GRID2: variants seen among roughly 807,000 people sequenced by gnomAD.
The protein encoded by GRID2 is glutamate ionotropic receptor delta type subunit 2, also known as glutamate receptor ionotropic, delta-2.
In GRID2, 33 loss-of-function variants were observed where a neutral mutation model predicts 114.8. The ratio of observed to expected loss-of-function variants is 0.29; its 90% confidence interval spans 0.22 to 0.38. The LOEUF (loss-of-function observed/expected upper bound fraction) is 0.38. GRID2 is among the 10% of genes least tolerant of loss of function. The pLI is 1.00. For missense variants in GRID2, 1,184 were observed against 1,257.7 expected (o/e 0.94, Z 0.89); for synonymous variants, 505 against 449.9 (o/e 1.12, Z -1.55).
chr4:93,419,237 C>T (rs1768027860), intron 9 of GRID2, among the ~76,000 whole-genome samples: 2 of 151,820 alleles, frequency 1.3e-5, no homozygotes, highest in Non-Finnish European at 2.9e-5. Flanking sequence ...AGAGTAATAT[C>T]TATGACTTAA....
At chr4:93,600,291 C>T (rs1219342647) in intron 13 of GRID2, among the ~76,000 whole-genome samples, 1 of 151,936 alleles carries the variant, frequency 6.6e-6, no homozygotes, top group African/African-American at 2.4e-5. Flanking sequence ...GTAAGCCATA[C>T]AATGGGAGAA....
At position 93,626,403 on chromosome 4, in the gene GRID2, T is replaced by C; in HGVS notation, c.2328T>C (p.His776=). The change falls in exon 14 of 16, where the codon CAT becomes CAC. Residue 776 remains histidine, a synonymous_variant. Coordinates refer to ENST00000282020, the MANE Select transcript of GRID2 (RefSeq NM_001510.4). ...ADRGYGIALQ[H]GSPYRDVFSQ... Reference sequence around the variant, plus strand: ...GGGGATATGGAATTGCATTACAACATGGCAGTCCTTACCGAGATGTTTTTT... The same window carrying C: ...GGGGATATGGAATTGCATTACAACACGGCAGTCCTTACCGAGATGTTTTTT... The C allele has an allele frequency of 1.9e-6, 3 of 1,610,378 alleles. No homozygotes were observed. The highest frequency in any genetic ancestry group is 2.5e-6 in the Non-Finnish European group (3 of 1,178,010).
intron 2 of GRID2, among the ~76,000 whole-genome samples, chr4:92,740,697 TAGATAGATAGATA>T (rs1560565423): frequency 0.054 from 5,408 of 99,792 alleles, 135 homozygotes; most frequent in Middle Eastern, 0.16. Context: ...AGATGATAGA[TAGATAGATAGATA>T]GATAGATAGA....
chr4:92,882,721 C>T (rs950748713), intron 2 of GRID2, among the ~76,000 whole-genome samples: 1 of 152,092 alleles, frequency 6.6e-6, no homozygotes, highest in Non-Finnish European at 1.5e-5. Flanking sequence ...TTTGGTGTCC[C>T]AGTGCATGTG....
chr4:92,449,807 T>C (rs1720810290), intron 1 of GRID2, among the ~76,000 whole-genome samples: 1 of 150,892 alleles, frequency 6.6e-6, no homozygotes, highest in Non-Finnish European at 1.5e-5. Flanking sequence ...TTTTAAGTCA[T>C]GGCTTTAGAG....
intron 2 of GRID2, among the ~76,000 whole-genome samples, chr4:93,025,160 G>C (rs986200537): frequency 1.1e-4 from 16 of 151,408 alleles, no homozygotes; most frequent in Middle Eastern, 3.4e-3. Context: ...GAGAGAAAGA[G>C]GAAGGGGGCT....
intron 1 of GRID2, among the ~76,000 whole-genome samples, chr4:92,505,428 CCTTT>C (rs1205260119): frequency 1.3e-5 from 2 of 151,884 alleles, no homozygotes; most frequent in Non-Finnish European, 2.9e-5. Flanking sequence ...CTTCCTTCTT[CCTTT>C]CTTTTTGCAA....
At chr4:93,437,660 T>G (rs1311485151) in intron 10 of GRID2, among the ~76,000 whole-genome samples, 1 of 152,146 alleles carries the variant, frequency 6.6e-6, no homozygotes, top group Non-Finnish European at 1.5e-5. Context: ...AAATTAAAAC[T>G]TTTAGAAAGG....
At chr4:92,622,701 C>A (rs550735672) in intron 2 of GRID2, among the ~76,000 whole-genome samples, 1 of 151,778 alleles carries the variant, frequency 6.6e-6, no homozygotes, top group African/African-American at 2.4e-5. Context: ...TCGTCATCAT[C>A]TTAATGGTAA....
intron 8 of GRID2, among the ~76,000 whole-genome samples, chr4:93,344,557 C>T (rs964418553): frequency 7.3e-5 from 11 of 150,550 alleles, no homozygotes; most frequent in African/African-American, 2.7e-4. Flanking sequence ...GTTGCACATA[C>T]TTATATTTTG....
At chr4:93,181,869 A>T (rs1006256323) in intron 4 of GRID2, among the ~76,000 whole-genome samples, 1 of 152,210 alleles carries the variant, frequency 6.6e-6, no homozygotes, top group Non-Finnish European at 1.5e-5. Flanking sequence ...ATTGATTTTA[A>T]AATATAGTGT....
intron 2 of GRID2, among the ~76,000 whole-genome samples, chr4:93,020,977 C>T (rs1234582093): frequency 6.6e-6 from 1 of 151,190 alleles, no homozygotes; most frequent in African/African-American, 2.4e-5. Flanking sequence ...TTGCAGTGAG[C>T]CAAGATCATC....
chr4:92,813,545 T>A (rs1221484698), intron 2 of GRID2, among the ~76,000 whole-genome samples: 1 of 152,158 alleles, frequency 6.6e-6, no homozygotes, highest in African/African-American at 2.4e-5. Flanking sequence ...ATAATGCTCT[T>A]AGTATCTGGC....
chr4:92,629,338 AG>A (rs1020953866), intron 2 of GRID2, among the ~76,000 whole-genome samples: 2 of 152,114 alleles, frequency 1.3e-5, no homozygotes, highest in African/African-American at 4.8e-5. Flanking sequence ...CCATGGTATC[AG>A]GTGCTCCATC....
chr4:92,677,756 C>T (rs540059818), intron 2 of GRID2, among the ~76,000 whole-genome samples: 1 of 152,218 alleles, frequency 6.6e-6, no homozygotes, highest in African/African-American at 2.4e-5. Flanking sequence ...ATCACTTCTA[C>T]CCTGTTCCAA....
intron 1 of GRID2, among the ~76,000 whole-genome samples, chr4:92,475,910 T>C (rs1404413999): frequency 1.3e-5 from 2 of 152,028 alleles, no homozygotes; most frequent in Non-Finnish European, 2.9e-5. Flanking sequence ...CTAAATATAA[T>C]ATTTTACTTT....
chr4:93,671,669 A>T (rs1256923105), intron 14 of GRID2, among the ~76,000 whole-genome samples: 2 of 152,140 alleles, frequency 1.3e-5, no homozygotes, highest in African/African-American at 4.8e-5. Context: ...ATATATTATC[A>T]CTTATTAAAA....
intron 12 of GRID2, among the ~76,000 whole-genome samples, chr4:93,499,529 T>C (rs1458851068): frequency 6.6e-6 from 1 of 151,920 alleles, no homozygotes; most frequent in Non-Finnish European, 1.5e-5. Context: ...GGACCTTGCA[T>C]GCCTCTCTGG....
chr4:93,444,240 G>C (rs1389025773), intron 10 of GRID2, among the ~76,000 whole-genome samples: 1 of 151,868 alleles, frequency 6.6e-6, no homozygotes, highest in Non-Finnish European at 1.5e-5. Context: ...AACAAATCAG[G>C]CTGGAAGATA....
Sources: allele counts gnomAD v4.1 joint callset (sites outside exome capture counted in the v4.1 genomes callset), GRCh38; gene constraint gnomAD v4.1.1; transcripts MANE v1.5; gene names NCBI Gene and HGNC (gene_info 2026-07-23, HGNC 2026-07-21).